Variants in ZNF341 observed in about 807,000 individuals in gnomAD.
The protein encoded by ZNF341 is zinc finger protein 341.
A neutral mutation model predicts 87.7 loss-of-function variants in ZNF341; 52 were observed. The observed-to-expected ratio is 0.59, with a 90% CI of 0.47 to 0.75. ZNF341 has a LOEUF of 0.75. ZNF341 is among the 30% of genes least tolerant of loss of function. ZNF341 has a pLI of 0.00. For missense variants in ZNF341, 977 were observed against 1,145.9 expected, an observed-to-expected ratio of 0.85 and a Z score of 2.13; for synonymous variants, 459 against 472.7, an observed-to-expected ratio of 0.97 and a Z score of 0.38.
At chr20:33,777,498 G>A (rs2019652885) in intron 10 of ZNF341, among the ~76,000 whole-genome samples, 1 of 151,778 alleles carries the variant, frequency 6.6e-6, no homozygotes, top group African/African-American at 2.4e-5. Flanking sequence ...GCTGGGTGTG[G>A]TGGCGGGCAC....
At chr20:33,734,339 C>G (rs535401061) in intron 1 of ZNF341, among the ~76,000 whole-genome samples, 1 of 152,078 alleles carries the variant, frequency 6.6e-6, no homozygotes. Context: ...AGGGGAGCAG[C>G]ACAATGTGAT....
At chr20:33,763,996 C>A (rs549093681) in intron 8 of ZNF341, among the ~76,000 whole-genome samples, 2 of 147,728 alleles carry the variant, frequency 1.4e-5, no homozygotes, top group Admixed American at 6.8e-5. Flanking sequence ...TCAGCCTGGG[C>A]AATATGGTAA....
In ZNF341 at chr20:33,757,237, C is replaced by T. The variant is rs1228182527; in HGVS notation, c.831C>T (p.Asn277=). 1 of 1,604,270 alleles carries T rather than the reference C, an allele frequency of 6.2e-7. No homozygotes were observed. The change falls in exon 6 of 15, where the codon AAC becomes AAT. Residue 277 remains asparagine, a synonymous_variant. Transcript: ENST00000375200. ...AGGGATTCAAACCCAAAGGACCAAA[C>T]CCCGCCGCCCCCATGACCAGCGCCA... The part of the protein sequence containing the change: ...GKQGFKPKGP[N]PAAPMTSATG...
chr20:33,754,266 C>T (rs1433875853), intron 5 of ZNF341, among the ~76,000 whole-genome samples: 1 of 152,136 alleles, frequency 6.6e-6, no homozygotes, highest in African/African-American at 2.4e-5. Flanking sequence ...ATCAATGTAC[C>T]ATACTAATTC....
intron 8 of ZNF341, among the ~76,000 whole-genome samples, chr20:33,766,163 G>C (rs6088298): frequency 0.12 from 17,893 of 152,010 alleles, 1,236 homozygotes; most frequent in African/African-American, 0.2. Context: ...GGGATTACAG[G>C]TGTGAGCCAC....
In ZNF341 at chr20:33,791,660, C is replaced by A; in HGVS notation, c.*143C>A. 1 of 1,011,074 alleles carries A rather than the reference C, an allele frequency of 9.9e-7. No homozygotes were observed. Among genetic ancestry groups the A allele is most frequent in the Non-Finnish European group, 1.4e-6 (1 of 720,978 alleles). 62.6% of individuals were successfully genotyped at this position (1,011,074 alleles called of 1,614,324 possible). ...ATCCTGCTGAATGTCATTCAGAAAC[C>A]TCAGCCCATGGTCGCCCTCCTGTGC... On this transcript the variant is annotated 3_prime_UTR_variant, in exon 15 of 15. Transcript: ENST00000375200.
chr20:33,768,494 C>T (rs1425118012), intron 9 of ZNF341, among the ~76,000 whole-genome samples: 1 of 151,872 alleles, frequency 6.6e-6, no homozygotes, highest in Admixed American at 6.6e-5. Context: ...TTCATCTCAG[C>T]TCACTGTAAC....
intron 1 of ZNF341, among the ~76,000 whole-genome samples, chr20:33,735,653 T>G (rs1410009207): frequency 6.6e-6 from 1 of 152,150 alleles, no homozygotes; most frequent in African/African-American, 2.4e-5. Flanking sequence ...TGAAATCACT[T>G]TTTCTGTAGA....
chr20:33,785,922 G>T (rs1285358663), intron 12 of ZNF341, among the ~76,000 whole-genome samples: 1 of 150,458 alleles, frequency 6.6e-6, no homozygotes, highest in Non-Finnish European at 1.5e-5. Flanking sequence ...CCTCCCCCGG[G>T]CCCCCCCCAG....
At chr20:33,756,707 A>C (rs1046846163) in intron 5 of ZNF341, among the ~76,000 whole-genome samples, 2 of 152,134 alleles carry the variant, frequency 1.3e-5, no homozygotes, top group Admixed American at 1.3e-4. Flanking sequence ...CACTGATAAG[A>C]ATAGACAGGG....
chr20:33,783,862 C>G lies in ZNF341; in HGVS notation c.1850C>G (p.Ser617Trp). The G allele has an allele frequency of 6.2e-7, 1 of 1,612,524 alleles. No homozygotes were observed. Among genetic ancestry groups the G allele is most frequent in the Non-Finnish European group, 8.5e-7 (1 of 1,179,240 alleles). ...HYLKLHAHIH[S>W]GEKPYKCSVC... is the part of the protein sequence containing the mutation. ...CTCAAACTGCATGCTCACATCCACT[C>G]GGGTAGGTACCCTGCCCCTGAGAAC... The change falls in exon 12 of 15, where the codon TCG (serine) becomes TGG (tryptophan). Residue 617 changes from serine (S) to tryptophan (W), a missense_variant and splice_region_variant. Ser to Trp is a radical substitution (Grantham distance 177, BLOSUM62 -3). Transcript: ENST00000375200.
chr20:33,780,599 G>A (rs545320443), intron 10 of ZNF341, among the ~76,000 whole-genome samples: 3 of 152,048 alleles, frequency 2.0e-5, no homozygotes, highest in Admixed American at 6.5e-5. Context: ...GTAGAGAGAC[G>A]GGGTTTCATC....
intron 12 of ZNF341, 25 bp from the exon 13 acceptor site, chr20:33,788,838 C>T: frequency 6.2e-7 from 1 of 1,603,740 alleles, no homozygotes; most frequent in South Asian, 1.1e-5. Flanking sequence ...TGAGTGCTGG[C>T]TCTCCCTGTC....
chr20:33,732,750 G>A lies in ZNF341; in HGVS notation c.31+698G>A, dbSNP rs1486259976. Among the ~76,000 whole-genome samples the A allele has an allele frequency of 6.6e-6, 1 of 152,220 alleles. No individual in the cohort carries two copies. The highest frequency in any genetic ancestry group is 1.9e-4 in the East Asian group (1 of 5,190). ...GCTGGGTGCCGACAGACTGTTCCGTGCTCTGCAAGAACCTGGGATGGGGTT... is the reference window on the plus strand; with the variant it reads ...GCTGGGTGCCGACAGACTGTTCCGTACTCTGCAAGAACCTGGGATGGGGTT... On this transcript the variant is annotated intron_variant, in intron 1 of 14. Coordinates refer to ENST00000375200, the MANE Select transcript of ZNF341 (RefSeq NM_001282933.2). The surrounding 1 kb of genome is among the most constrained non-coding windows in gnomAD (Gnocchi z 4.5).
Position 33,790,993 on chromosome 20 carries a change from A to G in ZNF341, c.2041A>G (p.Lys681Glu). The change falls in exon 15 of 15, where the codon AAG (lysine) becomes GAG (glutamate). Residue 681 changes from lysine (K) to glutamate (E), a missense_variant. By Grantham distance (56) the Lys-to-Glu change is moderately conservative (BLOSUM62 1). Transcript: ENST00000375200. ...KAHILSHSGM[K>E]LHKCALCSKS... Reference sequence around the variant, plus strand: ...GACTTTCCCTTGCCCTCCAGGCATGAAGCTCCACAAATGCGCCCTGTGCAG... The same window carrying G: ...GACTTTCCCTTGCCCTCCAGGCATGGAGCTCCACAAATGCGCCCTGTGCAG... 6.2e-7 allele frequency: 1 copy of G among 1,609,916 alleles called. No individual in the cohort carries two copies. The highest frequency in any genetic ancestry group is 8.5e-7 in the Non-Finnish European group (1 of 1,177,590).
At chr20:33,790,774 C>T (rs1004754588) in intron 14 of ZNF341, among the ~76,000 whole-genome samples, 5 of 152,116 alleles carry the variant, frequency 3.3e-5, no homozygotes, top group South Asian at 2.1e-4. Context: ...AGTACAAAGG[C>T]GCAGAGGGAG....
At chr20:33,778,442 C>G (rs920928637) in intron 10 of ZNF341, among the ~76,000 whole-genome samples, 17 of 152,146 alleles carry the variant, frequency 1.1e-4, no homozygotes, top group Admixed American at 3.3e-4. Context: ...TCCTGAGTAG[C>G]TGGGATTACA....
At chr20:33,762,440 A>G (rs6142016) in intron 8 of ZNF341, among the ~76,000 whole-genome samples, 22,383 of 151,946 alleles carry the variant, frequency 0.15, 2,473 homozygotes, top group East Asian at 0.56. Flanking sequence ...GGAGACTACT[A>G]TAAAATAAAA....
chr20:33,782,277 A>G (rs144596024), intron 11 of ZNF341, among the ~76,000 whole-genome samples: 180 of 152,340 alleles, frequency 1.2e-3, no homozygotes, highest in African/African-American at 3.7e-3. Context: ...AAAAGCCTCT[A>G]TTAATCTACA....
Sources: allele counts gnomAD v4.1 joint callset (sites outside exome capture counted in the v4.1 genomes callset), GRCh38; gene constraint gnomAD v4.1.1; non-coding constraint Gnocchi (gnomAD v3.1); transcripts MANE v1.5; gene names NCBI Gene and HGNC (gene_info 2026-07-23, HGNC 2026-07-21).